Variants in FAM135A observed in about 807,000 individuals in gnomAD.
FAM135A encodes protein FAM135A.
Under a neutral mutation model 146.8 loss-of-function variants are expected in FAM135A, and 79 were observed. The ratio of observed to expected loss-of-function variants is 0.54; its 90% CI spans 0.45 to 0.65. The LOEUF (loss-of-function observed/expected upper bound fraction) is 0.65, where lower values mean the gene tolerates loss of function less well. FAM135A is among the 30% of genes least tolerant of loss of function. The pLI is 0.00. For missense variants in FAM135A, 1,623 were observed against 1,758.2 expected, an observed-to-expected ratio of 0.92 and a Z score of 1.38; for synonymous variants, 562 against 603.6, an observed-to-expected ratio of 0.93 and a Z score of 1.01.
chr6:70,545,869 G>A (rs1160775573), intron 20 of FAM135A, among the ~76,000 whole-genome samples: 2 of 152,158 alleles, frequency 1.3e-5, no homozygotes, highest in Non-Finnish European at 2.9e-5. Context: ...AAGCCAGTAA[G>A]CATTCGTGCA....
chr6:70,420,599 A>G (rs974695366), intron 2 of FAM135A, among the ~76,000 whole-genome samples: 4 of 152,200 alleles, frequency 2.6e-5, no homozygotes, highest in Admixed American at 1.3e-4. Context: ...AGTTAACTAT[A>G]CACTCCAGCA....
At chr6:70,552,343 A>T (rs1231271651) in intron 20 of FAM135A, among the ~76,000 whole-genome samples, 1 of 152,042 alleles carries the variant, frequency 6.6e-6, no homozygotes, top group African/African-American at 2.4e-5. Context: ...GTTAAGAAAA[A>T]TGCAAAAAAA....
intron 4 of FAM135A, among the ~76,000 whole-genome samples, chr6:70,441,618 G>T (rs1774493739): frequency 6.6e-6 from 1 of 151,816 alleles, no homozygotes; most frequent in Non-Finnish European, 1.5e-5. Context: ...AAATCATAAT[G>T]TATATACTAA....
At chr6:70,467,521 T>C (rs1255032407) in intron 5 of FAM135A, among the ~76,000 whole-genome samples, 1 of 152,124 alleles carries the variant, frequency 6.6e-6, no homozygotes, top group African/African-American at 2.4e-5. Flanking sequence ...TTGGAACTTC[T>C]TTTGTTTATA....
At chr6:70,513,144 A>C (rs1395485627) in intron 12 of FAM135A, 1 of 151,780 alleles carries the variant, frequency 6.6e-6, no homozygotes, top group African/African-American at 2.4e-5. Context: ...ATACATCTCT[A>C]TGTTAATAAA....
intron 20 of FAM135A, among the ~76,000 whole-genome samples, chr6:70,554,030 A>C (rs1250562110): frequency 6.6e-6 from 1 of 152,242 alleles, no homozygotes; most frequent in Non-Finnish European, 1.5e-5. Flanking sequence ...GGTGTTAGGC[A>C]TAGTGCGTAT....
At chr6:70,437,573 C>G (rs567369743) in intron 4 of FAM135A, among the ~76,000 whole-genome samples, 8 of 152,012 alleles carry the variant, frequency 5.3e-5, no homozygotes, top group Non-Finnish European at 1.0e-4. Context: ...TTGTAGTGAC[C>G]CAAGTATTTT....
In FAM135A at chr6:70,560,340, T is replaced by C. The variant is rs1265393401; in HGVS notation, c.*419T>C. 6.5e-6 allele frequency: 1 copy of C among 153,386 alleles called. No homozygotes were observed. The highest frequency in any genetic ancestry group is 1.5e-5 in the Non-Finnish European group (1 of 68,620). 9.5% of individuals were successfully genotyped at this position (153,386 alleles called of 1,614,324 possible). A position where few individuals can be genotyped will look rare whatever the true frequency, so the allele number is the denominator to read the frequency against. On this transcript the variant is annotated 3_prime_UTR_variant, in exon 22 of 22. Coordinates refer to ENST00000418814, the MANE Select transcript of FAM135A (RefSeq NM_001162529.3). ...TATTATTTAGTTAATTATAAATTTT[T>C]CTTTTCACATTTTACTGTGTTTTAA...
intron 21 of FAM135A, 128 bp downstream of exon 21, chr6:70,556,991 T>A: frequency 5.9e-6 from 4 of 681,140 alleles, no homozygotes; most frequent in Non-Finnish European, 1.0e-5. Flanking sequence ...CACCCACTTA[T>A]ATTAACAGCT....
intron 5 of FAM135A, among the ~76,000 whole-genome samples, chr6:70,462,127 C>T (rs2128101498): frequency 6.6e-6 from 1 of 152,320 alleles, no homozygotes; most frequent in South Asian, 2.1e-4. Context: ...AGAATTCACT[C>T]TATGTGTAGA....
intron 16 of FAM135A, among the ~76,000 whole-genome samples, chr6:70,530,007 T>A (rs1023464054): frequency 3.1e-4 from 47 of 152,104 alleles, no homozygotes; most frequent in African/African-American, 1.1e-3. Flanking sequence ...GAGCTTGCGG[T>A]GAGCTGAGAT....
rs112638092 is a variant in FAM135A at position 70,542,248 on chromosome 6, G to GCACACACACACACACACACA, written c.4228+3857_4228+3876dup. On this transcript the variant is annotated intron_variant, in intron 20 of 21. Coordinates refer to ENST00000418814, the MANE Select transcript of FAM135A (RefSeq NM_001162529.3). The stretch of plus-strand genomic sequence containing the variant: ...TGATTCTCTGTTTTCTTTTTATCCT[G>GCACACACACACACACACACA]CACACACACACACACACACACACAC... Among the ~76,000 whole-genome samples the GCACACACACACACACACACA allele has an allele frequency of 1.7e-3, 235 of 141,946 alleles. 1 individual carries two copies. Among genetic ancestry groups the GCACACACACACACACACACA allele is most frequent in the African/African-American group, 4.6e-3 (160 of 34,844 alleles). 93.1% of individuals were successfully genotyped at this position (141,946 alleles called of 152,430 possible). A position where few individuals can be genotyped will look rare whatever the true frequency, so the allele number is the denominator to read the frequency against.
intron 4 of FAM135A, among the ~76,000 whole-genome samples, chr6:70,429,744 T>C (rs1239419388): frequency 6.6e-6 from 1 of 152,152 alleles, no homozygotes; most frequent in African/African-American, 2.4e-5. Flanking sequence ...ACATGATGGA[T>C]ATTATGATAC....
chr6:70,508,345 A>G (rs1790259403), intron 12 of FAM135A, among the ~76,000 whole-genome samples: 1 of 152,194 alleles, frequency 6.6e-6, no homozygotes, highest in South Asian at 2.1e-4. Flanking sequence ...ATTGTCTCTC[A>G]ACAGTATGTC....
At chr6:70,471,550 G>A (rs1198882393) in intron 5 of FAM135A, among the ~76,000 whole-genome samples, 8 of 151,572 alleles carry the variant, frequency 5.3e-5, no homozygotes, top group Non-Finnish European at 2.9e-5. Context: ...GACACACCCT[G>A]GGGCCTGTTG....
intron 10 of FAM135A, among the ~76,000 whole-genome samples, chr6:70,485,350 G>A (rs541080412): frequency 2.6e-5 from 4 of 151,886 alleles, no homozygotes; most frequent in African/African-American, 4.8e-5. Flanking sequence ...TCTTTATTGT[G>A]AATTTTAGTT....
At position 70,528,406 on chromosome 6, in the gene FAM135A, T is replaced by G. The variant is rs1004174620; in HGVS notation, c.3729T>G (p.Gly1243=). 2.5e-6 allele frequency: 4 copies of G among 1,613,256 alleles called. No individual in the cohort carries two copies. In the Admixed American group the frequency reaches 6.7e-5, roughly 27 times the overall value. Residue 1243 remains glycine (G), a synonymous_variant, in exon 16 of 22, where the codon GGT becomes GGG. Coordinates refer to ENST00000418814, the MANE Select transcript of FAM135A (RefSeq NM_001162529.3). ...VPYFSVEEED[G]SEDGVHLIVC... is the part of the protein sequence containing the mutation. ...ATTTTAGTGTAGAAGAAGAGGATGG[T>G]TCTGAAGATGGAGTACATCTGATTG...
At position 70,526,712 on chromosome 6, in the gene FAM135A, C is replaced by T. The variant is rs557081385; in HGVS notation, c.3614+14C>T. 1.6e-5 allele frequency: 25 copies of T among 1,518,710 alleles called. No individual in the cohort carries two copies. Among genetic ancestry groups the T allele is most frequent in the East Asian group, 2.5e-5 (1 of 40,560 alleles). The allele number at this position is 1,518,710 out of a possible 1,614,324, so 94.1% of individuals were successfully genotyped here. A position where few individuals can be genotyped will look rare whatever the true frequency, so the allele number is the denominator to read the frequency against. On this transcript the variant is annotated intron_variant, in intron 15 of 21. Transcript: ENST00000418814. ...TCAAATACAAGCGTAAGTAATGGAA[C>T]GTAATAGTACCTGCTGCTAAATATA...
intron 5 of FAM135A, among the ~76,000 whole-genome samples, chr6:70,463,395 C>G (rs1051875251): frequency 6.7e-6 from 1 of 149,866 alleles, no homozygotes; most frequent in Non-Finnish European, 1.5e-5. Flanking sequence ...GGACTACAGG[C>G]GCATGCCACC....
Sources: gnomAD v4.1 joint callset for allele counts (sites outside exome capture counted in the v4.1 genomes callset) on GRCh38, gnomAD v4.1.1 for gene constraint, MANE v1.5 for transcripts, NCBI Gene and HGNC (gene_info 2026-07-23, HGNC 2026-07-21) for gene names.